SV2C: variants seen among roughly 807,000 people sequenced by gnomAD.
SV2C encodes the protein synaptic vesicle glycoprotein 2C.
In SV2C, 49 loss-of-function variants were observed where a neutral mutation model predicts 79.7. The ratio of observed to expected loss-of-function variants is 0.61; its 90% confidence interval spans 0.49 to 0.78. The LOEUF (loss-of-function observed/expected upper bound fraction) is 0.78. Ranked by LOEUF, SV2C falls within the 30% of genes least tolerant of loss-of-function variation. The pLI, the probability that SV2C is intolerant of heterozygous loss-of-function variation, is 0.00. For synonymous variants in SV2C, 334 were observed against 333.2 expected (o/e 1.00, Z -0.03); for missense variants, 833 against 912.9 (o/e 0.91, Z 1.13).
the SV2C span, among the ~76,000 whole-genome samples, chr5:75,867,336 C>A: frequency 6.6e-6 from 1 of 152,216 alleles, no homozygotes; most frequent in East Asian, 1.9e-4. Context: ...CAACACAAGA[C>A]GGATCAAGCT....
intron 4 of SV2C, among the ~76,000 whole-genome samples, chr5:76,234,071 G>C (rs1177983364): frequency 1.3e-5 from 2 of 152,104 alleles, no homozygotes; most frequent in Non-Finnish European, 2.9e-5. Flanking sequence ...TTAAACAAAT[G>C]TTATTTGCTT....
chr5:76,347,299 G>T (rs1441085522), intron 12 of SV2C, among the ~76,000 whole-genome samples: 1 of 152,160 alleles, frequency 6.6e-6, no homozygotes, highest in Non-Finnish European at 1.5e-5. Context: ...CCAAAGGCAT[G>T]GTCTGGAGAG....
chr5:76,348,645 C>CATGAGTACATGTAT (rs1417393833), intron 12 of SV2C, among the ~76,000 whole-genome samples: 1 of 152,192 alleles, frequency 6.6e-6, no homozygotes, highest in Non-Finnish European at 1.5e-5. Context: ...GAAGGTTGTA[C>CATGAGTACATGTAT]ATGAGTAATG....
At chr5:76,159,347 T>G (rs1397083800) in intron 2 of SV2C, among the ~76,000 whole-genome samples, 1 of 152,180 alleles carries the variant, frequency 6.6e-6, no homozygotes, top group South Asian at 2.1e-4. Context: ...GTATCTCTAT[T>G]TGCAAGTAAC....
intron 1 of SV2C, among the ~76,000 whole-genome samples, chr5:76,124,501 G>T (rs79529694): frequency 0.039 from 5,880 of 152,136 alleles, 371 homozygotes; most frequent in African/African-American, 0.13. Flanking sequence ...ATTTTGCCTA[G>T]ACATTCATTG....
At chr5:76,071,132 C>T in the SV2C span, among the ~76,000 whole-genome samples, 9 of 152,242 alleles carry the variant, frequency 5.9e-5, no homozygotes, top group Non-Finnish European at 1.2e-4. Flanking sequence ...AAGTGCTCCA[C>T]AGTCCTCAAA....
chr5:75,855,437 TACCTC>T, the SV2C span, among the ~76,000 whole-genome samples: 1 of 152,128 alleles, frequency 6.6e-6, no homozygotes, highest in African/African-American at 2.4e-5. Context: ...CATACAGGTA[TACCTC>T]ATTTGTGCTT....
chr5:76,020,609 A>G, the SV2C span, among the ~76,000 whole-genome samples: 1 of 152,144 alleles, frequency 6.6e-6, no homozygotes, highest in Middle Eastern at 3.2e-3. Flanking sequence ...GAGGTAGTGA[A>G]TGTCTTCCCT....
the SV2C span, among the ~76,000 whole-genome samples, chr5:76,037,534 G>C: frequency 6.6e-6 from 1 of 152,282 alleles, no homozygotes; most frequent in South Asian, 2.1e-4. Flanking sequence ...CCCTGCTGGG[G>C]GGTGCCTCCC....
chr5:76,031,912 CTTG>C, the SV2C span, among the ~76,000 whole-genome samples: 2 of 152,190 alleles, frequency 1.3e-5, no homozygotes, highest in Admixed American at 1.3e-4. Flanking sequence ...TACTGGCTGC[CTTG>C]AGTTCCCTGA....
chr5:76,030,238 C>T, the SV2C span, among the ~76,000 whole-genome samples: 3 of 135,024 alleles, frequency 2.2e-5, no homozygotes, highest in Non-Finnish European at 4.7e-5. Context: ...AATTTTCCTA[C>T]AAGACAGAAT....
intron 4 of SV2C, among the ~76,000 whole-genome samples, chr5:76,244,814 G>A (rs776617411): frequency 7.9e-5 from 12 of 152,218 alleles, no homozygotes; most frequent in Non-Finnish European, 1.5e-4. Flanking sequence ...CACTAGCCAT[G>A]TTTCAAGGGC....
the SV2C span, among the ~76,000 whole-genome samples, chr5:75,901,086 G>T: frequency 2.0e-5 from 3 of 152,190 alleles, no homozygotes; most frequent in African/African-American, 7.2e-5. Context: ...CTCTCAGCTT[G>T]TCAAAGTCAT....
chr5:76,142,558 T>C (rs1200792582), intron 2 of SV2C, among the ~76,000 whole-genome samples: 1 of 152,206 alleles, frequency 6.6e-6, no homozygotes, highest in Admixed American at 6.5e-5. Flanking sequence ...TTCCAGTCCC[T>C]TGCTTAGCCA....
At chr5:75,929,467 A>G in the SV2C span, among the ~76,000 whole-genome samples, 2 of 151,968 alleles carry the variant, frequency 1.3e-5, no homozygotes, top group Admixed American at 6.6e-5. Flanking sequence ...TGTGATTATC[A>G]TGAATGTGCA....
the SV2C span, among the ~76,000 whole-genome samples, chr5:76,037,099 C>A: frequency 6.6e-6 from 1 of 152,170 alleles, no homozygotes; most frequent in Admixed American, 6.5e-5. Flanking sequence ...GCTCCATCAG[C>A]TCCTTTAAGC....
At chr5:76,252,422 G>A (rs554744649) in intron 4 of SV2C, among the ~76,000 whole-genome samples, 5 of 152,216 alleles carry the variant, frequency 3.3e-5, no homozygotes, top group East Asian at 1.9e-4. Context: ...GCTCCCAGCC[G>A]CAGTGATACA....
the SV2C span, among the ~76,000 whole-genome samples, chr5:75,972,885 T>A: frequency 6.6e-6 from 1 of 152,088 alleles, no homozygotes; most frequent in African/African-American, 2.4e-5. Flanking sequence ...CATGTATGTT[T>A]ATTGAGGCCC....
the SV2C span, among the ~76,000 whole-genome samples, chr5:75,913,038 A>G: frequency 4.2e-3 from 634 of 152,350 alleles, 2 homozygotes; most frequent in Non-Finnish European, 6.2e-3. Flanking sequence ...CATTCATGGC[A>G]TAGTCAATCC....
Sources: allele counts gnomAD v4.1 joint callset (sites outside exome capture counted in the v4.1 genomes callset), GRCh38; gene constraint gnomAD v4.1.1; transcripts MANE v1.5; gene names NCBI Gene and HGNC (gene_info 2026-07-23, HGNC 2026-07-21).